ARHGAP15: variants seen among roughly 807,000 people sequenced by gnomAD.
The protein encoded by ARHGAP15 is Rho GTPase activating protein 15.
ARHGAP15 carries 51 observed loss-of-function variants against 63.7 expected under a neutral mutation model. That is an observed-to-expected ratio of 0.80 (90% CI 0.64 to 1.01). The LOEUF is 1.01. Among genes scored for constraint, ARHGAP15 ranks in the 50% least tolerant of loss-of-function variants. The probability of loss-of-function intolerance (pLI) is 0.00; values close to 1 mark genes in which losing one functional copy is unlikely to be tolerated. For missense variants in ARHGAP15, 560 were observed against 564.6 expected, an observed-to-expected ratio of 0.99 and a Z score of 0.08; for synonymous variants, 191 against 193.8, an observed-to-expected ratio of 0.99 and a Z score of 0.12.
chr2:143,133,006 G>A (rs559470629), intron 1 of ARHGAP15, among the ~76,000 whole-genome samples: 1 of 152,142 alleles, frequency 6.6e-6, no homozygotes, highest in Non-Finnish European at 1.5e-5. Context: ...AATTTGTCAA[G>A]TACCATAAGA....
intron 13 of ARHGAP15, among the ~76,000 whole-genome samples, chr2:143,727,247 C>G (rs1171864843): frequency 2.0e-5 from 3 of 152,168 alleles, no homozygotes; most frequent in African/African-American, 7.2e-5. Context: ...AACATTTCTG[C>G]CATTGGATGT....
chr2:143,311,537 A>C (rs1229946268), intron 6 of ARHGAP15, among the ~76,000 whole-genome samples: 1 of 152,126 alleles, frequency 6.6e-6, no homozygotes, highest in Non-Finnish European at 1.5e-5. Context: ...CTTTACTTAA[A>C]GTGCTTATAG....
chr2:143,515,601 CAA>C (rs1471850886), intron 9 of ARHGAP15, among the ~76,000 whole-genome samples: 5 of 152,100 alleles, frequency 3.3e-5, no homozygotes, highest in Non-Finnish European at 7.4e-5. Flanking sequence ...TCAGGGGAAA[CAA>C]ATCTTTTGCT....
At chr2:143,767,100 T>G (rs1435473826) in intron 13 of ARHGAP15, among the ~76,000 whole-genome samples, 1 of 152,234 alleles carries the variant, frequency 6.6e-6, no homozygotes, top group African/African-American at 2.4e-5. Flanking sequence ...TTCTTAGCAC[T>G]CTTTCTTTCC....
intron 11 of ARHGAP15, among the ~76,000 whole-genome samples, chr2:143,620,207 C>CAAAT (rs1305098315): frequency 6.6e-6 from 1 of 152,090 alleles, no homozygotes; most frequent in Admixed American, 6.6e-5. Context: ...CTTCATTTTA[C>CAAAT]AAATAAATAA....
chr2:143,364,126 T>A (rs1686185420), intron 6 of ARHGAP15, among the ~76,000 whole-genome samples: 1 of 152,044 alleles, frequency 6.6e-6, no homozygotes, highest in Non-Finnish European at 1.5e-5. Context: ...AAGCCAAATC[T>A]CTTTCAACTA....
intron 8 of ARHGAP15, among the ~76,000 whole-genome samples, chr2:143,458,995 A>G (rs985683503): frequency 1.3e-5 from 2 of 152,194 alleles, no homozygotes; most frequent in Non-Finnish European, 2.9e-5. Context: ...AGTCTCAGTG[A>G]GGTCATGCTC....
At chr2:143,276,812 CA>C (rs943351143) in intron 6 of ARHGAP15, among the ~76,000 whole-genome samples, 3 of 152,002 alleles carry the variant, frequency 2.0e-5, no homozygotes, top group East Asian at 3.9e-4. Context: ...AAAAACAAAA[CA>C]AAAAAACTTT....
intron 2 of ARHGAP15, among the ~76,000 whole-genome samples, chr2:143,162,940 G>T (rs564059350): frequency 1.8e-4 from 28 of 152,000 alleles, no homozygotes; most frequent in East Asian, 1.2e-3. Flanking sequence ...GCTAGAAAAT[G>T]GTGTTTACCA....
At chr2:143,318,678 T>C (rs549801487) in intron 6 of ARHGAP15, among the ~76,000 whole-genome samples, 62 of 152,194 alleles carry the variant, frequency 4.1e-4, no homozygotes, top group Non-Finnish European at 6.8e-4. Flanking sequence ...TAACCCAACA[T>C]GAGAATATTA....
chr2:143,743,613 G>C (rs1686048696), intron 13 of ARHGAP15, among the ~76,000 whole-genome samples: 1 of 152,182 alleles, frequency 6.6e-6, no homozygotes, highest in Admixed American at 6.5e-5. Context: ...ACAGCACTAG[G>C]TTGTACCTGG....
At chr2:143,217,743 C>A (rs1420364766) in intron 4 of ARHGAP15, among the ~76,000 whole-genome samples, 3 of 152,098 alleles carry the variant, frequency 2.0e-5, no homozygotes, top group African/African-American at 7.2e-5. Flanking sequence ...TGATGCCTCT[C>A]CCCAAGATGA....
intron 12 of ARHGAP15, among the ~76,000 whole-genome samples, chr2:143,679,679 GTGTGTA>G (rs761362933): frequency 2.2e-4 from 30 of 135,010 alleles, no homozygotes; most frequent in African/African-American, 6.5e-4. Context: ...GTGTGTGTGT[GTGTGTA>G]TGTGTGTGTG....
intron 10 of ARHGAP15, among the ~76,000 whole-genome samples, chr2:143,527,970 G>T (rs1694353314): frequency 1.3e-5 from 2 of 152,044 alleles, no homozygotes; most frequent in Admixed American, 1.3e-4. Context: ...TCTGATAAGA[G>T]TATATCATAT....
At chr2:143,764,257 C>A (rs973631568) in intron 13 of ARHGAP15, among the ~76,000 whole-genome samples, 5 of 152,044 alleles carry the variant, frequency 3.3e-5, no homozygotes, top group African/African-American at 1.2e-4. Context: ...TTACAGGAGT[C>A]CCCCACGGTG....
At chr2:143,748,429 G>A (rs987307004) in intron 13 of ARHGAP15, among the ~76,000 whole-genome samples, 2 of 152,120 alleles carry the variant, frequency 1.3e-5, no homozygotes, top group Non-Finnish European at 2.9e-5. Context: ...CATTTGAAGG[G>A]AATTTGCAAT....
intron 6 of ARHGAP15, among the ~76,000 whole-genome samples, chr2:143,261,908 G>T (rs1165683262): frequency 1.3e-5 from 2 of 152,082 alleles, no homozygotes; most frequent in South Asian, 2.1e-4. Context: ...TCCACCCAAG[G>T]ATAGACAAGA....
chr2:143,273,195 A>G (rs1681381238), intron 6 of ARHGAP15, among the ~76,000 whole-genome samples: 1 of 152,136 alleles, frequency 6.6e-6, no homozygotes, highest in Non-Finnish European at 1.5e-5. Context: ...ATATTGCTAC[A>G]CTAATATCCT....
intron 11 of ARHGAP15, among the ~76,000 whole-genome samples, chr2:143,614,221 T>C (rs1698372704): frequency 6.6e-6 from 1 of 152,226 alleles, no homozygotes; most frequent in African/African-American, 2.4e-5. Context: ...CAGATGAAGC[T>C]TGATGCTAAT....
Sources: gnomAD v4.1 joint callset for allele counts (sites outside exome capture counted in the v4.1 genomes callset) on GRCh38, gnomAD v4.1.1 for gene constraint, MANE v1.5 for transcripts, NCBI Gene and HGNC (gene_info 2026-07-23, HGNC 2026-07-21) for gene names.